SPHKAP: variants seen among roughly 807,000 people sequenced by gnomAD.
SPHKAP encodes A-kinase anchor protein SPHKAP.
In SPHKAP, 67 loss-of-function variants were observed where a neutral mutation model predicts 137.5. That is an observed-to-expected ratio of 0.49 (90% confidence interval 0.40 to 0.60). The LOEUF (loss-of-function observed/expected upper bound fraction) is 0.60, where lower values mean the gene tolerates loss of function less well. Ranked by LOEUF, SPHKAP falls within the 20% of genes least tolerant of loss-of-function variation. SPHKAP has a pLI of 0.00. For synonymous variants in SPHKAP, 813 were observed against 785.3 expected, an observed-to-expected ratio of 1.04 and a Z score of -0.59; for missense variants, 2,097 against 2,069.3, an observed-to-expected ratio of 1.01 and a Z score of -0.26.
chr2:227,988,306 T>A (rs1693290454), intron 11 of SPHKAP, among the ~76,000 whole-genome samples: 1 of 152,202 alleles, frequency 6.6e-6, no homozygotes, highest in Non-Finnish European at 1.5e-5. Flanking sequence ...TAAGATTACA[T>A]TATTTAGAAT....
chr2:227,996,824 C>T (rs1693657322), intron 7 of SPHKAP, among the ~76,000 whole-genome samples: 1 of 152,144 alleles, frequency 6.6e-6, no homozygotes. Flanking sequence ...AACTCAAAAG[C>T]TTTCACAATT....
chr2:228,063,150 A>ATCTG (rs1430897656), intron 3 of SPHKAP, among the ~76,000 whole-genome samples: 4 of 137,378 alleles, frequency 2.9e-5, no homozygotes, highest in Non-Finnish European at 4.6e-5. Context: ...ATCCCTATCT[A>ATCTG]TCTATCTATC....
intron 3 of SPHKAP, among the ~76,000 whole-genome samples, chr2:228,092,238 T>TATGTGTGTATACGTACAC (rs1697782477): frequency 6.9e-6 from 1 of 145,630 alleles, no homozygotes; most frequent in African/African-American, 2.5e-5. Flanking sequence ...CACACATGTA[T>TATGTGTGTATACGTACAC]ACACACGTGT....
At chr2:228,033,400 A>G (rs1241167953) in intron 3 of SPHKAP, among the ~76,000 whole-genome samples, 3 of 152,342 alleles carry the variant, frequency 2.0e-5, no homozygotes, top group South Asian at 4.1e-4. Context: ...TGACCTACAA[A>G]GAAACTTAGA....
At chr2:228,067,566 T>G (rs1696867782) in intron 3 of SPHKAP, among the ~76,000 whole-genome samples, 1 of 152,174 alleles carries the variant, frequency 6.6e-6, no homozygotes, top group East Asian at 1.9e-4. Context: ...GGCCTCTGGT[T>G]TAGAGCTGTG....
At chr2:228,013,739 G>C (rs77940647) in intron 7 of SPHKAP, among the ~76,000 whole-genome samples, 2,310 of 152,222 alleles carry the variant, frequency 0.015, 32 homozygotes, top group Non-Finnish European at 0.023. Flanking sequence ...CCTACCTATA[G>C]GTGAGTAAAC....
At chr2:228,123,794 A>G (rs2106365821) in intron 2 of SPHKAP, among the ~76,000 whole-genome samples, 1 of 152,272 alleles carries the variant, frequency 6.6e-6, no homozygotes, top group Admixed American at 6.5e-5. Context: ...TGTTTTAGAT[A>G]TGAAGTCCTA....
intron 3 of SPHKAP, among the ~76,000 whole-genome samples, chr2:228,061,749 A>G (rs921849799): frequency 6.6e-6 from 1 of 152,006 alleles, no homozygotes; most frequent in African/African-American, 2.4e-5. Context: ...ACACACACAC[A>G]CACACATACA....
At chr2:228,138,192 C>A (rs1156383867) in intron 1 of SPHKAP, among the ~76,000 whole-genome samples, 5 of 152,270 alleles carry the variant, frequency 3.3e-5, no homozygotes, top group South Asian at 2.1e-4. Flanking sequence ...AGTAAGCACC[C>A]CGTTAGGACA....
chr2:228,152,572 A>G (rs1699969212), intron 1 of SPHKAP, among the ~76,000 whole-genome samples: 1 of 152,046 alleles, frequency 6.6e-6, no homozygotes, highest in Non-Finnish European at 1.5e-5. Flanking sequence ...TGCAGCATTT[A>G]GTTCATTTAC....
chr2:228,124,411 T>A (rs1699006357), intron 2 of SPHKAP, among the ~76,000 whole-genome samples: 1 of 151,914 alleles, frequency 6.6e-6, no homozygotes, highest in South Asian at 2.1e-4. Flanking sequence ...CCATAAAAAA[T>A]GATGAGTTCA....
At chr2:228,156,117 A>G (rs903831087) in intron 1 of SPHKAP, among the ~76,000 whole-genome samples, 1 of 152,216 alleles carries the variant, frequency 6.6e-6, no homozygotes, top group African/African-American at 2.4e-5. Flanking sequence ...CTACTTTGTA[A>G]TAAGATCTTT....
chr2:228,019,372 A>C lies in SPHKAP; in HGVS notation c.1482T>G (p.Ser494Arg), dbSNP rs1694746176. 7 of 1,614,008 alleles carry C rather than the reference A, an allele frequency of 4.3e-6. No homozygotes were observed. Among genetic ancestry groups the C allele is most frequent in the Non-Finnish European group, 5.9e-6 (7 of 1,179,992 alleles). ...SGENSSRQPQ[S>R]ALEVALACAA... ...CACAAGCTAACGCCACTTCTAGAGC[A>C]CTCTGGGGTTGTCTGCTGGAGTTCT... is the stretch of plus-strand genomic sequence containing the variant. Residue 494 changes from serine to arginine, a missense_variant, in exon 7 of 12, where the codon AGT becomes AGG. Physicochemically the swap from Ser to Arg is moderately radical, Grantham distance 110 (BLOSUM62 -1). Transcript: ENST00000392056.
At chr2:228,065,814 A>G (rs569256428) in intron 3 of SPHKAP, among the ~76,000 whole-genome samples, 1 of 152,308 alleles carries the variant, frequency 6.6e-6, no homozygotes, top group East Asian at 1.9e-4. Context: ...GTCTGTGGCA[A>G]GGCTGCCTCT....
chr2:228,087,200 A>G (rs1478821141), intron 3 of SPHKAP, among the ~76,000 whole-genome samples: 1 of 152,200 alleles, frequency 6.6e-6, no homozygotes, highest in Non-Finnish European at 1.5e-5. Flanking sequence ...GAGGAATGAT[A>G]CCAAAGGCTT....
chr2:228,027,341 G>T, intron 4 of SPHKAP, 143 bp downstream of exon 4: 1 of 826,724 alleles, frequency 1.2e-6, no homozygotes, highest in Non-Finnish European at 1.9e-6. Context: ...GAGGGTAAGT[G>T]CTAGGGAAAG....
chr2:228,133,347 AAATT>A (rs1450094981), intron 1 of SPHKAP, among the ~76,000 whole-genome samples: 17 of 144,296 alleles, frequency 1.2e-4, no homozygotes, highest in Non-Finnish European at 7.7e-5. Context: ...ATAAATAAAT[AAATT>A]ACTTCTACAT....
At chr2:228,129,821 G>A (rs1307265224) in intron 2 of SPHKAP, among the ~76,000 whole-genome samples, 2 of 134,546 alleles carry the variant, frequency 1.5e-5, no homozygotes, top group African/African-American at 5.6e-5. Context: ...TTTTGAGACT[G>A]AGTCTTACTC....
chr2:228,169,605 G>C (rs140462937), intron 1 of SPHKAP: 1 of 151,966 alleles, frequency 6.6e-6, no homozygotes, highest in Non-Finnish European at 1.5e-5. Context: ...AATGTACCTT[G>C]TCACCCAAGA....
Sources: allele counts gnomAD v4.1 joint callset (sites outside exome capture counted in the v4.1 genomes callset), GRCh38; gene constraint gnomAD v4.1.1; transcripts MANE v1.5; gene names NCBI Gene and HGNC (gene_info 2026-07-23, HGNC 2026-07-21).